Variants in FAIM observed in about 807,000 individuals in gnomAD.
The protein encoded by FAIM is fas apoptotic inhibitory molecule 1.
A neutral mutation model predicts 21.2 loss-of-function variants in FAIM; 14 were observed. That is an observed-to-expected ratio of 0.66 (90% CI 0.44 to 1.03). The LOEUF (loss-of-function observed/expected upper bound fraction) is 1.03. FAIM is among the 50% of genes least tolerant of loss of function. The probability of loss-of-function intolerance (pLI) is 0.00; values close to 1 mark genes in which losing one functional copy is unlikely to be tolerated. For synonymous variants in FAIM, 86 were observed against 80.4 expected (o/e 1.07, Z -0.37); for missense variants, 222 against 247.1 (o/e 0.90, Z 0.68).
intron 4 of FAIM, among the ~76,000 whole-genome samples, chr3:138,623,714 C>G (rs572980314): frequency 6.6e-6 from 1 of 152,266 alleles, no homozygotes; most frequent in Non-Finnish European, 1.5e-5. Flanking sequence ...CTGTTGCCCT[C>G]CTGTTCTAAG....
chr3:138,621,247 A>G, intron 2 of FAIM, 160 bp from the exon 3 acceptor site: 1 of 685,346 alleles, frequency 1.5e-6, no homozygotes, highest in Non-Finnish European at 2.4e-6. Flanking sequence ...TAAGAGGGAG[A>G]AAATAGTTAC....
intron 4 of FAIM, among the ~76,000 whole-genome samples, chr3:138,624,476 A>G (rs192022663): frequency 6.6e-6 from 1 of 152,034 alleles, no homozygotes; most frequent in Admixed American, 6.5e-5. Flanking sequence ...TTCTTTATCC[A>G]TTTGCAATCC....
At chr3:138,619,482 T>C (rs571217074) in intron 1 of FAIM, among the ~76,000 whole-genome samples, 1 of 152,326 alleles carries the variant, frequency 6.6e-6, no homozygotes, top group African/African-American at 2.4e-5. Context: ...TATAAATCCA[T>C]AACAGGGAAA....
chr3:138,633,100 TAA>T lies in FAIM; in HGVS notation c.*23_*24del. 6.2e-7 allele frequency: 1 copy of T among 1,609,536 alleles called. No individual in the cohort carries two copies. Among genetic ancestry groups the T allele is most frequent in the Non-Finnish European group, 8.5e-7 (1 of 1,177,008 alleles). On this transcript the variant is annotated 3_prime_UTR_variant, in exon 6 of 6. Coordinates refer to ENST00000360570, the MANE Select transcript of FAIM (RefSeq NM_001033031.2). ...GTTAATGAATTTTCATCTTAAGAAGTAAAGATCAGGACTTTTTAATTACTGTG... is the reference window on the plus strand; with the variant it reads ...GTTAATGAATTTTCATCTTAAGAAGTAGATCAGGACTTTTTAATTACTGTG...
chr3:138,622,127 T>G (rs2042893724), intron 3 of FAIM, 61 bp from the exon 4 acceptor site: 1 of 1,337,540 alleles, frequency 7.5e-7, no homozygotes, highest in South Asian at 1.4e-5. Flanking sequence ...TTACGTTATT[T>G]CTAAAATTAG....
chr3:138,619,614 A>G (rs954550868), intron 1 of FAIM, 97 bp from the exon 2 acceptor site: 5 of 1,087,164 alleles, frequency 4.6e-6, no homozygotes, highest in Admixed American at 2.5e-5. Flanking sequence ...GGATTGCAAA[A>G]TTAGAAAAAC....
rs138221117 is a variant in FAIM at position 138,617,013 on chromosome 3, A to G, written c.-16-2698A>G. 3.5e-3 allele frequency among the ~76,000 whole-genome samples: 531 copies of G among 152,278 alleles called. 2 individuals carry two copies. The highest frequency in any genetic ancestry group is 0.012 in the African/African-American group (508 of 41,568). On this transcript the variant is annotated intron_variant, in intron 1 of 5. Coordinates refer to ENST00000360570, the MANE Select transcript of FAIM (RefSeq NM_001033031.2). ...GAGAATTAAAAATTGCTATTTTTTA[A>G]GTAGTCCTTAAATAATTGTTGAATG...
intron 1 of FAIM, among the ~76,000 whole-genome samples, chr3:138,614,058 C>T (rs960338870): frequency 6.6e-6 from 1 of 152,202 alleles, no homozygotes; most frequent in Non-Finnish European, 1.5e-5. Context: ...TCTTTCCCCA[C>T]CAGTTAGAGT....
chr3:138,627,807 A>G (rs747122186), intron 4 of FAIM, among the ~76,000 whole-genome samples: 13 of 152,010 alleles, frequency 8.6e-5, no homozygotes, highest in Non-Finnish European at 1.8e-4. Flanking sequence ...GCGCACCTCA[A>G]AGGCTTTTCT....
intron 1 of FAIM, among the ~76,000 whole-genome samples, chr3:138,612,431 T>G (rs1405187896): frequency 6.6e-6 from 1 of 152,196 alleles, no homozygotes; most frequent in African/African-American, 2.4e-5. Context: ...GCATAAAGTT[T>G]TCATAGTTCA....
intron 4 of FAIM, among the ~76,000 whole-genome samples, chr3:138,625,680 T>C (rs1186088901): frequency 1.3e-5 from 2 of 152,126 alleles, no homozygotes; most frequent in African/African-American, 4.8e-5. Flanking sequence ...AACATTATGA[T>C]TTACTAAGGT....
intron 1 of FAIM, among the ~76,000 whole-genome samples, chr3:138,616,818 A>C (rs1305123585): frequency 6.6e-6 from 1 of 152,194 alleles, no homozygotes; most frequent in Non-Finnish European, 1.5e-5. Flanking sequence ...TGGCAAAGAG[A>C]GTAACAAATT....
Position 138,621,551 on chromosome 3 carries a change from A to G in FAIM, c.177+12A>G, listed in dbSNP as rs1243600293. Reference sequence around the variant, plus strand: ...ATGTAGATGGAAAGGTAGGAAGAAAATATGTTACTTTGTAAAATATGATAT... The same window carrying G: ...ATGTAGATGGAAAGGTAGGAAGAAAGTATGTTACTTTGTAAAATATGATAT... On this transcript the variant is annotated intron_variant, in intron 3 of 5. Coordinates refer to ENST00000360570, the MANE Select transcript of FAIM (RefSeq NM_001033031.2). 1.9e-6 allele frequency: 3 copies of G among 1,607,922 alleles called. No homozygotes were observed. In the Admixed American group the frequency reaches 5.2e-5, roughly 28 times the overall value.
At chr3:138,623,798 C>T (rs759859152) in intron 4 of FAIM, among the ~76,000 whole-genome samples, 2 of 152,140 alleles carry the variant, frequency 1.3e-5, no homozygotes, top group Non-Finnish European at 2.9e-5. Context: ...AGTTATTGAA[C>T]CCCACAACTC....
intron 1 of FAIM, among the ~76,000 whole-genome samples, chr3:138,609,593 A>ACT (rs145700416): frequency 2.5e-3 from 68 of 26,772 alleles, no homozygotes; most frequent in African/African-American, 0.014. Flanking sequence ...CTCTCTCTCG[A>ACT]CTCTCTCTCT....
At position 138,622,532 on chromosome 3, in the gene FAIM, C is replaced by A. The variant is rs1026020289; in HGVS notation, c.406+116C>A. The A allele has an allele frequency of 3.0e-5, 21 of 701,258 alleles. 1 individual carries two copies. In the Admixed American group the frequency reaches 6.5e-4, roughly 22 times the overall value. The allele number at this position is 701,258 out of a possible 1,614,324, so 43.4% of individuals were successfully genotyped here. On this transcript the variant is annotated intron_variant, in intron 4 of 5. Transcript: ENST00000360570. ...TTGAAAAGAAGAGGGAGTGTAAGTG[C>A]AGGTGTATTTCATTTGTTTAGAAAC...
At chr3:138,630,490 G>A (rs601032) in intron 5 of FAIM, 128,244 of 152,220 alleles carry the variant, frequency 0.84, 54,638 homozygotes, top group East Asian at 0.99. Flanking sequence ...TAAAAGTTAC[G>A]AAGATGAATG....
At chr3:138,621,368 AT>A (rs1185071183) in intron 2 of FAIM, 38 bp from the exon 3 acceptor site, 1 of 1,594,582 alleles carries the variant, frequency 6.3e-7, no homozygotes, top group East Asian at 2.2e-5. Flanking sequence ...TTTAATTAGT[AT>A]TTTGGCCTAC....
At chr3:138,620,359 TTC>T (rs1369163146) in intron 2 of FAIM, among the ~76,000 whole-genome samples, 1 of 152,190 alleles carries the variant, frequency 6.6e-6, no homozygotes, top group Admixed American at 6.5e-5. Flanking sequence ...TAAATGATAC[TTC>T]TGTCAAAGCT....
Sources: gnomAD v4.1 joint callset for allele counts (sites outside exome capture counted in the v4.1 genomes callset) on GRCh38, gnomAD v4.1.1 for gene constraint, MANE v1.5 for transcripts, NCBI Gene and HGNC (gene_info 2026-07-23, HGNC 2026-07-21) for gene names.